Variants in DCC observed in about 807,000 individuals in gnomAD.
The protein encoded by DCC is DCC netrin 1 receptor.
DCC carries 58 observed loss-of-function variants against 172.5 expected under a neutral mutation model. The observed-to-expected ratio is 0.34, with a 90% CI of 0.27 to 0.42. The LOEUF is 0.42. Ranked by LOEUF, DCC falls within the 10% of genes least tolerant of loss-of-function variation. The pLI is 1.00. For missense variants in DCC, 1,740 were observed against 1,791.0 expected, an observed-to-expected ratio of 0.97 and a Z score of 0.51; for synonymous variants, 709 against 644.5, an observed-to-expected ratio of 1.10 and a Z score of -1.52.
rs1351122759 is a variant in DCC at position 53,351,381 on chromosome 18, ACAG to A, written c.2359+11475_2359+11477del. Among the ~76,000 whole-genome samples, 76 of 57,838 alleles carry A rather than the reference ACAG, an allele frequency of 1.3e-3. 4 individuals are homozygous for A. The highest frequency in any genetic ancestry group is 5.0e-3 in the African/African-American group (70 of 14,000). The allele number at this position is 57,838 out of a possible 152,430, so 37.9% of individuals were successfully genotyped here. ...ATATATATATACTGTATATATATAT[ACAG>A]TATATATATATACAGTGTATATATA... On this transcript the variant is annotated intron_variant, in intron 15 of 28. Coordinates refer to ENST00000442544, the MANE Select transcript of DCC (RefSeq NM_005215.4).
rs1420291384 is a variant in DCC, at chr18:52,603,830, CT to C, written c.92-148220del. ...AGCATTTTACATTAAAGAGCATATGCTTTTCCTTCTTGATTTAATTTACATA... is the reference window on the plus strand; with the variant it reads ...AGCATTTTACATTAAAGAGCATATGCTTTCCTTCTTGATTTAATTTACATA... On this transcript the variant is annotated intron_variant, in intron 1 of 28. Transcript: ENST00000442544. Among the ~76,000 whole-genome samples, 4 of 152,086 alleles carry C rather than the reference CT, an allele frequency of 2.6e-5. No individual in the cohort carries two copies. The East Asian group carries it at 7.7e-4, about 29-fold the overall frequency.
At chr18:52,516,203 A>G (rs2144657575) in intron 1 of DCC, among the ~76,000 whole-genome samples, 1 of 152,318 alleles carries the variant, frequency 6.6e-6, no homozygotes, top group African/African-American at 2.4e-5. Flanking sequence ...AAAAAATTCA[A>G]ATATCATACA....
Position 53,362,985 on chromosome 18 carries a change from C to T in DCC, c.2360-23058C>T, listed in dbSNP as rs374438061. 2.6e-5 allele frequency among the ~76,000 whole-genome samples: 4 copies of T among 152,224 alleles called. No individual in the cohort carries two copies. In the East Asian group the frequency reaches 7.7e-4, roughly 29 times the overall value. On this transcript the variant is annotated intron_variant, in intron 15 of 28. Transcript: ENST00000442544. ...TGTCTATGCTCTGTCTCCTTTGCTCCTCACAATGTACCTAAAAGGAGGGTG... is the reference window on the plus strand; with the variant it reads ...TGTCTATGCTCTGTCTCCTTTGCTCTTCACAATGTACCTAAAAGGAGGGTG...
intron 1 of DCC, among the ~76,000 whole-genome samples, chr18:52,749,673 CT>C (rs2036965532): frequency 6.6e-6 from 1 of 152,146 alleles, no homozygotes; most frequent in African/African-American, 2.4e-5. Flanking sequence ...TCATAATCTC[CT>C]TGTTTCAGAC....
chr18:53,361,091 G>A (rs1443591616), intron 15 of DCC, among the ~76,000 whole-genome samples: 1 of 152,094 alleles, frequency 6.6e-6, no homozygotes, highest in South Asian at 2.1e-4. Flanking sequence ...GAGGCACATG[G>A]TGGAGAGATA....
intron 5 of DCC, among the ~76,000 whole-genome samples, chr18:53,033,464 C>T (rs2042051558): frequency 6.6e-6 from 1 of 152,130 alleles, no homozygotes. Flanking sequence ...GATGACTTTG[C>T]TTTCCATTTC....
At chr18:53,427,912 A>AAT (rs1301395665) in intron 21 of DCC, among the ~76,000 whole-genome samples, 1 of 57,172 alleles carries the variant, frequency 1.7e-5, no homozygotes, top group Non-Finnish European at 3.7e-5. Flanking sequence ...TATAATATAT[A>AAT]ATAATATAAT....
At chr18:52,488,889 G>T (rs190000672) in intron 1 of DCC, among the ~76,000 whole-genome samples, 5 of 152,062 alleles carry the variant, frequency 3.3e-5, no homozygotes, top group Admixed American at 3.3e-4. Flanking sequence ...GTTCAATATA[G>T]AGCAAATTTG....
At chr18:53,121,938 C>T (rs1170041662) in intron 7 of DCC, among the ~76,000 whole-genome samples, 1 of 151,954 alleles carries the variant, frequency 6.6e-6, no homozygotes, top group Non-Finnish European at 1.5e-5. Flanking sequence ...TGAGGATCCA[C>T]TCAGTGATAA....
intron 12 of DCC, among the ~76,000 whole-genome samples, chr18:53,246,534 AC>A (rs2056367238): frequency 6.6e-6 from 1 of 151,950 alleles, no homozygotes; most frequent in Non-Finnish European, 1.5e-5. Context: ...GAAAAAAAAA[AC>A]AGGTGAATTA....
At chr18:53,270,616 C>T (rs376548705) in intron 12 of DCC, among the ~76,000 whole-genome samples, 2 of 152,056 alleles carry the variant, frequency 1.3e-5, no homozygotes, top group East Asian at 3.9e-4. Flanking sequence ...AAACAAAGGG[C>T]TCCCTACTTC....
intron 1 of DCC, among the ~76,000 whole-genome samples, chr18:52,687,163 A>G (rs2035850812): frequency 6.6e-6 from 1 of 152,124 alleles, no homozygotes; most frequent in South Asian, 2.1e-4. Context: ...AGTGTAGCAA[A>G]GACTTCAATT....
chr18:52,707,183 C>T (rs1349191466), intron 1 of DCC, among the ~76,000 whole-genome samples: 1 of 152,082 alleles, frequency 6.6e-6, no homozygotes, highest in Non-Finnish European at 1.5e-5. Flanking sequence ...CATTTCTACT[C>T]CTTTGAATGT....
At chr18:52,981,766 T>G (rs981469254) in intron 5 of DCC, among the ~76,000 whole-genome samples, 1 of 152,196 alleles carries the variant, frequency 6.6e-6, no homozygotes, top group Non-Finnish European at 1.5e-5. Context: ...ACATTTTTCT[T>G]GGCATGTTGA....
At chr18:53,001,968 A>C (rs925025288) in intron 5 of DCC, among the ~76,000 whole-genome samples, 2 of 152,150 alleles carry the variant, frequency 1.3e-5, no homozygotes, top group African/African-American at 4.8e-5. Context: ...GAAAAACACA[A>C]TAAAAAATAC....
intron 1 of DCC, among the ~76,000 whole-genome samples, chr18:52,518,457 G>T (rs1007223601): frequency 6.6e-6 from 1 of 152,198 alleles, no homozygotes. Context: ...GAACGGATTA[G>T]AATAGGATAA....
intron 15 of DCC, among the ~76,000 whole-genome samples, chr18:53,365,648 C>A (rs994366656): frequency 1.3e-5 from 2 of 152,070 alleles, no homozygotes; most frequent in Admixed American, 6.6e-5. Context: ...GTTAAAACAT[C>A]CATTAATCAC....
intron 2 of DCC, among the ~76,000 whole-genome samples, chr18:52,824,558 C>T (rs1014823103): frequency 6.6e-6 from 1 of 151,994 alleles, no homozygotes; most frequent in Non-Finnish European, 1.5e-5. Context: ...TAGAGAATTT[C>T]TCTAATGCTT....
chr18:52,909,334 G>C (rs961233732), intron 3 of DCC, among the ~76,000 whole-genome samples: 6 of 152,090 alleles, frequency 3.9e-5, no homozygotes, highest in African/African-American at 1.4e-4. Context: ...TACCAGAATG[G>C]TTAGAACTCT....
Sources: gnomAD v4.1 joint callset for allele counts (sites outside exome capture counted in the v4.1 genomes callset) on GRCh38, gnomAD v4.1.1 for gene constraint, MANE v1.5 for transcripts, NCBI Gene and HGNC (gene_info 2026-07-23, HGNC 2026-07-21) for gene names.